USF1: variants seen among roughly 807,000 people sequenced by gnomAD.
USF1 encodes upstream transcription factor 1.
A neutral mutation model predicts 46.3 loss-of-function variants in USF1; 22 were observed. The observed-to-expected ratio is 0.47, with a 90% CI of 0.34 to 0.68. The LOEUF is 0.68. USF1 is among the 30% of genes least tolerant of loss of function. The pLI, the probability that USF1 is intolerant of heterozygous loss-of-function variation, is 0.01. For missense variants in USF1, 287 were observed against 399.3 expected (o/e 0.72, Z 2.40); for synonymous variants, 150 against 147.0 (o/e 1.02, Z -0.15).
At chr1:161,042,759 C>T in intron 3 of USF1, 74 bp downstream of exon 3, 1 of 1,611,626 alleles carries the variant, frequency 6.2e-7, no homozygotes. Context: ...GGAGGATGCA[C>T]AGGAGATGGT....
intron 6 of USF1, 25 bp downstream of exon 6, chr1:161,041,626 C>A: frequency 1.3e-6 from 2 of 1,592,276 alleles, no homozygotes; most frequent in Non-Finnish European, 1.7e-6. Flanking sequence ...GCCCTTTCAG[C>A]CAGCATCCTC....
chr1:161,042,044 C>A (rs901259865), intron 5 of USF1, 72 bp downstream of exon 5: 2 of 1,502,440 alleles, frequency 1.3e-6, no homozygotes, highest in Non-Finnish European at 1.8e-6. Context: ...TAGCTTCACC[C>A]CCATCCTACT....
intron 5 of USF1, 112 bp downstream of exon 5, chr1:161,042,004 A>T (rs1278084229): frequency 6.2e-5 from 85 of 1,362,598 alleles, no homozygotes; most frequent in Non-Finnish European, 7.7e-5. Context: ...GTGCTTTGGG[A>T]CAAGGCAGCC....
At position 161,041,416 on chromosome 1, in the gene USF1, G is replaced by A; in HGVS notation, c.473-5C>T. On this transcript the variant is annotated splice_polypyrimidine_tract_variant and splice_region_variant and intron_variant, in intron 6 of 10. Coordinates refer to ENST00000368021, the MANE Select transcript of USF1 (RefSeq NM_007122.5). ...ACATCATCACAAAGAATTGACCTGTGAAGATGCAGGGTAGGTTCTGTCAGG... is the reference window on the plus strand; with the variant it reads ...ACATCATCACAAAGAATTGACCTGTAAAGATGCAGGGTAGGTTCTGTCAGG... 2 of 1,613,402 alleles carry A rather than the reference G, an allele frequency of 1.2e-6. No individual in the cohort carries two copies. The highest frequency in any genetic ancestry group is 1.7e-6 in the Non-Finnish European group (2 of 1,179,832).
At position 161,041,673 on chromosome 1, in the gene USF1, C is replaced by T; in HGVS notation, c.450G>A (p.Gly150=). The change falls in exon 6 of 11, where the codon GGG becomes GGA. Residue 150 remains glycine (G), a synonymous_variant. Transcript: ENST00000368021. ...VTTQGSEALL[G]QATPPGTGQF... is the part of the protein sequence containing the mutation. Reference sequence around the variant, plus strand: ...CACCAGTGCCAGGAGGGGTCGCCTGCCCCAGCAGTGCCTCTGAGCCCTGGG... The same window carrying T: ...CACCAGTGCCAGGAGGGGTCGCCTGTCCCAGCAGTGCCTCTGAGCCCTGGG... The T allele has an allele frequency of 6.2e-7, 1 of 1,611,036 alleles. No homozygotes were observed. Among genetic ancestry groups the T allele is most frequent in the South Asian group, 1.1e-5 (1 of 90,996 alleles).
intron 4 of USF1, 56 bp downstream of exon 4, chr1:161,042,499 C>A: frequency 6.3e-7 from 1 of 1,586,086 alleles, no homozygotes; most frequent in Non-Finnish European, 8.6e-7. Context: ...TGTTCAATTA[C>A]CTCCCTCAAT....
At position 161,041,419 on chromosome 1, in the gene USF1, G is replaced by A. The variant is rs17221763; in HGVS notation, c.473-8C>T. 0.025 allele frequency: 40,238 copies of A among 1,613,078 alleles called. 589 individuals are homozygous for A. Among genetic ancestry groups the A allele is most frequent in the Non-Finnish European group, 0.029 (34,234 of 1,179,672 alleles). On this transcript the variant is annotated splice_polypyrimidine_tract_variant and splice_region_variant and intron_variant, in intron 6 of 10. Coordinates refer to ENST00000368021, the MANE Select transcript of USF1 (RefSeq NM_007122.5). Reference sequence around the variant, plus strand: ...TCATCACAAAGAATTGACCTGTGAAGATGCAGGGTAGGTTCTGTCAGGACA... The same window carrying A: ...TCATCACAAAGAATTGACCTGTGAAAATGCAGGGTAGGTTCTGTCAGGACA...
chr1:161,040,205 T>C lies in USF1; in HGVS notation c.840A>G (p.Gln280=). 6.2e-7 allele frequency: 1 copy of C among 1,614,106 alleles called. No individual in the cohort carries two copies. The highest frequency in any genetic ancestry group is 8.5e-7 in the Non-Finnish European group (1 of 1,180,024). Residue 280 remains glutamine (Q), a synonymous_variant, in exon 10 of 11, where the codon CAA becomes CAG. Transcript: ENST00000368021. This position sits in a 1 kb window ranked among gnomAD's most constrained non-coding sequence, Gnocchi z 4.0. The part of the protein sequence containing the change: ...QLQLDNDVLR[Q]QVEDLKNKNL... ...GCACTGGGGGTAGGAGTCTGACCTG[T>C]TGTCGAAGCACGTCATTGTCCAGCT...
In USF1 at chr1:161,040,849, G is replaced by C; in HGVS notation, c.584C>G (p.Thr195Ser). Residue 195 changes from threonine (T) to serine (S), a missense_variant, in exon 8 of 11, where the codon ACT (threonine) becomes AGT (serine). Coordinates refer to ENST00000368021, the MANE Select transcript of USF1 (RefSeq NM_007122.5). This position sits in a 1 kb window ranked among gnomAD's most constrained non-coding sequence, Gnocchi z 4.0. ...CTGAGCCCTGCGTTTCTCATCCCGA[G>C]TCGTCCGGGGAGCTTCTGACTTCCT... Reference protein sequence around the residue: ...YSPKSEAPRTTRDEKRRAQHN... With the variant: ...YSPKSEAPRTSRDEKRRAQHN... 1 of 1,614,040 alleles carries C rather than the reference G, an allele frequency of 6.2e-7. No individual in the cohort carries two copies. The highest frequency in any genetic ancestry group is 8.5e-7 in the Non-Finnish European group (1 of 1,180,016).
chr1:161,040,645 G>T lies in USF1; in HGVS notation c.645C>A (p.Ile215=), dbSNP rs750156971. Residue 215 remains isoleucine, a synonymous_variant, in exon 9 of 11, where the codon ATC becomes ATA. Coordinates refer to ENST00000368021, the MANE Select transcript of USF1 (RefSeq NM_007122.5). This position sits in a 1 kb window ranked among gnomAD's most constrained non-coding sequence, Gnocchi z 4.0. The part of the protein sequence containing the change: ...NEVERRRRDK[I]NNWIVQLSKI... ...TGGAGAGCTGCACGATCCAGTTGTT[G>T]ATCTTGTCTCGGCGGCGACGCTCCA... 1 of 1,611,862 alleles carries T rather than the reference G, an allele frequency of 6.2e-7. No homozygotes were observed. The highest frequency in any genetic ancestry group is 8.5e-7 in the Non-Finnish European group (1 of 1,179,850).
Position 161,040,318 on chromosome 1 carries a change from T to C in USF1, c.727A>G (p.Ile243Val). 1 of 1,614,184 alleles carries C rather than the reference T, an allele frequency of 6.2e-7. No homozygotes were observed. The highest frequency in any genetic ancestry group is 8.5e-7 in the Non-Finnish European group (1 of 1,180,026). ...STKSGQSKGGILSKACDYIQE... is the reference protein window; with the variant it reads ...STKSGQSKGGVLSKACDYIQE... ...ATATAATCACAAGCTTTGGATAGAA[T>C]CCCACCTTTACTCTGCAAGATAAGG... Residue 243 changes from isoleucine to valine, a missense_variant, in exon 10 of 11, where the codon ATT becomes GTT. Transcript: ENST00000368021. This position sits in a 1 kb window ranked among gnomAD's most constrained non-coding sequence, Gnocchi z 4.0.
At position 161,042,639 on chromosome 1, in the gene USF1, A is replaced by G. The variant is rs748592178; in HGVS notation, c.90T>C (p.Ser30=). The change falls in exon 4 of 11, where the codon AGT becomes AGC. Residue 30 remains serine, a synonymous_variant. Transcript: ENST00000368021. ...GAVATGEDPT[S]VAIASIQSAA... is the part of the protein sequence containing the mutation. ...CTGACTGGATGCTGGCAATAGCCAC[A>G]CTGGTTGGGTCTTCCCCAGTAGCCA... is the stretch of plus-strand genomic sequence containing the variant. The G allele has an allele frequency of 2.5e-6, 4 of 1,614,230 alleles. No homozygotes were observed. The highest frequency in any genetic ancestry group is 1.1e-5 in the South Asian group (1 of 91,088).
intron 2 of USF1, 127 bp downstream of exon 2, chr1:161,043,141 A>G: frequency 6.5e-7 from 1 of 1,534,158 alleles, no homozygotes; most frequent in Admixed American, 1.8e-5. Flanking sequence ...AAACCAAATC[A>G]CACAGTAAGT....
Position 161,040,656 on chromosome 1 carries a change from G to A in USF1, c.634C>T (p.Arg212Ter). Residue 212 changes from arginine to a stop codon, truncating the protein, a stop_gained, in exon 9 of 11, where the codon CGA becomes TGA. Coordinates refer to ENST00000368021, the MANE Select transcript of USF1 (RefSeq NM_007122.5). LOFTEE classifies it high-confidence loss of function. This position sits in a 1 kb window ranked among gnomAD's most constrained non-coding sequence, Gnocchi z 4.0. ...ACGATCCAGTTGTTGATCTTGTCTC[G>A]GCGGCGACGCTCCACTGTGGGGCAA... ...AQHNEVERRR[R>*]DKINNWIVQL... The A allele has an allele frequency of 1.9e-6, 3 of 1,610,784 alleles. No homozygotes were observed. The highest frequency in any genetic ancestry group is 1.1e-5 in the South Asian group (1 of 91,062).
Position 161,040,556 on chromosome 1 carries a change from T to C in USF1, c.714+20A>G, listed in dbSNP as rs1384564068. ...GGCAGAATTCAGGCATCCTGCCCAC[T>C]ACCAGGGTCTTTCCATGACCTGGCC... On this transcript the variant is annotated intron_variant, in intron 9 of 10. Transcript: ENST00000368021. This position sits in a 1 kb window ranked among gnomAD's most constrained non-coding sequence, Gnocchi z 4.0. 6.2e-7 allele frequency: 1 copy of C among 1,609,146 alleles called. No individual in the cohort carries two copies. The highest frequency in any genetic ancestry group is 1.1e-5 in the South Asian group (1 of 90,932).
At chr1:161,045,278 G>C (rs1192233237) in intron 1 of USF1, among the ~76,000 whole-genome samples, 1 of 152,192 alleles carries the variant, frequency 6.6e-6, no homozygotes, top group East Asian at 1.9e-4. Context: ...GCATTTCCTA[G>C]GCATTAGGGA....
chr1:161,044,770 C>T (rs1650727441), intron 1 of USF1: 1 of 151,858 alleles, frequency 6.6e-6, no homozygotes, highest in African/African-American at 2.4e-5. Context: ...ACCCTGACAC[C>T]CAGCCAGAGG....
In USF1 at chr1:161,040,717, C is replaced by T. The variant is rs1156393964; in HGVS notation, c.620-47G>A. 1 of 1,612,210 alleles carries T rather than the reference C, an allele frequency of 6.2e-7. No individual in the cohort carries two copies. The highest frequency in any genetic ancestry group is 1.1e-5 in the South Asian group (1 of 91,052). ...AAGGTGACTCAGTGAAAACTCGCCA[C>T]AAGTCCCAGGGTAAAATTACCTAAT... is the stretch of plus-strand genomic sequence containing the variant. On this transcript the variant is annotated intron_variant, in intron 8 of 10. Coordinates refer to ENST00000368021, the MANE Select transcript of USF1 (RefSeq NM_007122.5). The surrounding 1 kb of genome is among the most constrained non-coding windows in gnomAD (Gnocchi z 4.0).
At position 161,040,710 on chromosome 1, in the gene USF1, C is replaced by G. The variant is rs771104797; in HGVS notation, c.620-40G>C. The G allele has an allele frequency of 6.2e-7, 1 of 1,611,900 alleles. No individual in the cohort carries two copies. The highest frequency in any genetic ancestry group is 8.5e-7 in the Non-Finnish European group (1 of 1,179,884). ...GGAGGACAAGGTGACTCAGTGAAAACTCGCCACAAGTCCCAGGGTAAAATT... is the reference window on the plus strand; with the variant it reads ...GGAGGACAAGGTGACTCAGTGAAAAGTCGCCACAAGTCCCAGGGTAAAATT... On this transcript the variant is annotated intron_variant, in intron 8 of 10. Transcript: ENST00000368021. This position sits in a 1 kb window ranked among gnomAD's most constrained non-coding sequence, Gnocchi z 4.0.
Sources: allele counts gnomAD v4.1 joint callset (sites outside exome capture counted in the v4.1 genomes callset), GRCh38; gene constraint gnomAD v4.1.1; non-coding constraint Gnocchi (gnomAD v3.1); transcripts MANE v1.5; gene names NCBI Gene and HGNC (gene_info 2026-07-23, HGNC 2026-07-21).